Variants in CEP72 observed in about 807,000 individuals in gnomAD.
CEP72 encodes centrosomal protein 72.
A neutral mutation model predicts 65.7 loss-of-function variants in CEP72; 78 were observed. That is an observed-to-expected ratio of 1.19 (90% CI 0.99 to 1.43). CEP72 has a LOEUF of 1.43. Among genes scored for constraint, CEP72 ranks in the 40% most tolerant of loss-of-function variants. The probability of loss-of-function intolerance (pLI) is 0.00; values close to 1 mark genes in which losing one functional copy is unlikely to be tolerated. For synonymous variants in CEP72, 358 were observed against 351.7 expected (o/e 1.02, Z -0.20); for missense variants, 914 against 832.9 (o/e 1.10, Z -1.20).
At chr5:641,056 A>G in intron 9 of CEP72, 1 of 985,306 alleles carries the variant, frequency 1.0e-6, no homozygotes, top group Non-Finnish European at 1.2e-6. Flanking sequence ...TGCATTTATC[A>G]CCTTGGATTT....
chr5:637,379 C>T (rs1371119676), intron 6 of CEP72, 138 bp from the exon 7 acceptor site: 19 of 708,234 alleles, frequency 2.7e-5, no homozygotes, highest in East Asian at 7.6e-5. Context: ...GATAGGTGTG[C>T]GTGTACATAT....
intron 9 of CEP72, chr5:643,335 G>A: frequency 1.0e-6 from 1 of 985,462 alleles, no homozygotes; most frequent in African/African-American, 1.7e-5. Flanking sequence ...CCGCGCGGAG[G>A]GCAGGTCATG....
At chr5:628,564 G>A (rs1475809151) in intron 4 of CEP72, among the ~76,000 whole-genome samples, 13 of 143,280 alleles carry the variant, frequency 9.1e-5, no homozygotes, top group African/African-American at 3.2e-4. Context: ...TCCCCGGGGA[G>A]TGTTCCCAGG....
At chr5:633,987 G>A (rs754942217) in intron 5 of CEP72, 40 bp downstream of exon 5, 1 of 1,592,610 alleles carries the variant, frequency 6.3e-7, no homozygotes, top group East Asian at 2.2e-5. Context: ...GGGTCCGCTG[G>A]CTCTGGGATA....
rs775980060 is a variant in CEP72, at chr5:666,035, C to T, written n.528C>T. The T allele has an allele frequency of 2.0e-5, 32 of 1,611,354 alleles. No individual in the cohort carries two copies. In the Admixed American group the frequency reaches 3.7e-4, roughly 18 times the overall value. ...CTGTGCACCTCGCGAACGGCCTCCTCGCTGCTCTTGTCTTTGAATCGCTTC... is the reference window on the plus strand; with the variant it reads ...CTGTGCACCTCGCGAACGGCCTCCTTGCTGCTCTTGTCTTTGAATCGCTTC... On this transcript the variant is annotated non_coding_transcript_exon_variant, in exon 4 of 5. Transcript: ENST00000514507.
downstream of CEP72, chr5:661,858 AG>A (rs1407144311): frequency 1.3e-5 from 2 of 152,334 alleles, no homozygotes; most frequent in African/African-American, 4.8e-5. Flanking sequence ...TGAGTGGAGA[AG>A]GGTGCTCTCC....
At position 620,110 on chromosome 5, in the gene CEP72, C is replaced by A; in HGVS notation, c.252C>A (p.Tyr84Ter). The change falls in exon 3 of 12, where the codon TAC becomes TAA. Residue 84 changes from tyrosine to a stop codon, truncating the protein, a stop_gained. Transcript: ENST00000264935. LOFTEE classifies it high-confidence loss of function. ...CTGCATTGGAGAGTCTCAATCTCTA[C>A]TACAACTGCATCTCCTCGTTGGCAG... ...YLTALESLNL[Y>*]YNCISSLAEV... 6.2e-7 allele frequency: 1 copy of A among 1,614,144 alleles called. No individual in the cohort carries two copies. The highest frequency in any genetic ancestry group is 8.5e-7 in the Non-Finnish European group (1 of 1,179,942).
chr5:669,943 C>T (rs1298550942), downstream of CEP72, among the ~76,000 whole-genome samples: 2 of 152,150 alleles, frequency 1.3e-5, no homozygotes, highest in Admixed American at 6.5e-5. Flanking sequence ...GAGGAGCCTC[C>T]GAGTGTGGAG....
At chr5:643,902 A>T (rs961614616) in intron 9 of CEP72, among the ~76,000 whole-genome samples, 1 of 152,220 alleles carries the variant, frequency 6.6e-6, no homozygotes, top group South Asian at 2.1e-4. Context: ...GGTGCCTCAC[A>T]CTGGCACCAA....
chr5:640,880 G>T, intron 9 of CEP72: 1 of 985,462 alleles, frequency 1.0e-6, no homozygotes. Context: ...GCCGGGTGCT[G>T]CAGGAGCCAG....
chr5:648,724 TGAC>T (rs1738631673), intron 11 of CEP72, among the ~76,000 whole-genome samples: 1 of 58,084 alleles, frequency 1.7e-5, no homozygotes. Context: ...CTGTGAGGCG[TGAC>T]TGTGAGGCAT....
At chr5:614,707 G>C (rs911217286) in intron 1 of CEP72, among the ~76,000 whole-genome samples, 5 of 152,076 alleles carry the variant, frequency 3.3e-5, no homozygotes, top group Admixed American at 2.6e-4. Flanking sequence ...TCCATGTGTG[G>C]ATATTTTCCT....
chr5:673,062 C>T, the CEP72 span, among the ~76,000 whole-genome samples: 2 of 152,328 alleles, frequency 1.3e-5, no homozygotes, highest in African/African-American at 4.8e-5. Context: ...TTCTGCAGTA[C>T]CGAAGGCCAC....
downstream of CEP72, among the ~76,000 whole-genome samples, chr5:658,407 G>C (rs554531424): frequency 4.7e-4 from 71 of 152,314 alleles, no homozygotes; most frequent in African/African-American, 1.7e-3. Flanking sequence ...GTGATACAAA[G>C]GCCACCTCAG....
chr5:665,855 AG>A, intron 3 of CEP72: 4 of 21,198 alleles, frequency 1.9e-4, no homozygotes, highest in South Asian at 1.6e-3. Flanking sequence ...GACCCCCCCC[AG>A]GTCACGCCCC....
chr5:652,912 G>A, intron 11 of CEP72, 76 bp from the exon 12 acceptor site: 4 of 1,434,210 alleles, frequency 2.8e-6, no homozygotes, highest in South Asian at 2.9e-5. Context: ...AGGGAGGTGG[G>A]CAGGCCCAGC....
chr5:672,900 C>G, the CEP72 span, among the ~76,000 whole-genome samples: 1 of 152,244 alleles, frequency 6.6e-6, no homozygotes, highest in Non-Finnish European at 1.5e-5. Flanking sequence ...ATAGTAACAT[C>G]AAAACAAACA....
At chr5:627,328 T>C (rs1408251655) in intron 4 of CEP72, among the ~76,000 whole-genome samples, 1 of 152,254 alleles carries the variant, frequency 6.6e-6, no homozygotes, top group East Asian at 1.9e-4. Flanking sequence ...TGATAACCCC[T>C]CTTTCATGTC....
Position 624,254 on chromosome 5 carries a change from C to T in CEP72, c.404-217C>T, listed in dbSNP as rs572797292. 5.9e-5 allele frequency among the ~76,000 whole-genome samples: 9 copies of T among 152,272 alleles called. No individual in the cohort carries two copies. Among genetic ancestry groups the T allele is most frequent in the Admixed American group, 5.9e-4 (9 of 15,302 alleles). ...TCATCTGTGTGCGGCTGCTCCCGTG[C>T]GCAGCAGTGAGCTCTGAGGGACAGG... On this transcript the variant is annotated intron_variant, in intron 3 of 11. Transcript: ENST00000264935. The surrounding 1 kb of genome is among the most constrained non-coding windows in gnomAD (Gnocchi z 4.7).
Sources: gnomAD v4.1 joint callset for allele counts (sites outside exome capture counted in the v4.1 genomes callset) on GRCh38, gnomAD v4.1.1 for gene constraint, Gnocchi (gnomAD v3.1) non-coding constraint, MANE v1.5 for transcripts, NCBI Gene and HGNC (gene_info 2026-07-23, HGNC 2026-07-21) for gene names.